GRIP1: variants seen among roughly 807,000 people sequenced by gnomAD.
GRIP1 encodes the protein glutamate receptor interacting protein 1.
A neutral mutation model predicts 129.9 loss-of-function variants in GRIP1; 45 were observed. The ratio of observed to expected loss-of-function variants is 0.35; its 90% CI spans 0.27 to 0.44. The LOEUF (loss-of-function observed/expected upper bound fraction) is 0.44, where lower values mean the gene tolerates loss of function less well. Ranked by LOEUF, GRIP1 falls within the 20% of genes least tolerant of loss-of-function variation. The probability of loss-of-function intolerance (pLI) is 1.00; values close to 1 mark genes in which losing one functional copy is unlikely to be tolerated. For synonymous variants in GRIP1, 530 were observed against 520.8 expected (o/e 1.02, Z -0.24); for missense variants, 1,196 against 1,396.8 (o/e 0.86, Z 2.29).
intron 3 of GRIP1, among the ~76,000 whole-genome samples, chr12:66,540,354 AC>A (rs562774293): frequency 1.5e-3 from 236 of 152,364 alleles, no homozygotes; most frequent in African/African-American, 5.5e-3. Flanking sequence ...GCACAGTAAT[AC>A]TTTTAATTAC....
In GRIP1 at chr12:66,715,471, T is replaced by TGTGTGTGTGTGTGTGAGA. The variant is rs761155485; in HGVS notation, c.-419-85136_-419-85135insTCTCACACACACACACAC. On this transcript the variant is annotated intron_variant, in intron 1 of 4. Coordinates refer to the GRIP1 transcript ENST00000538373. ...AGCTTGATGTGTGTGTGTGTGTGTG[T>TGTGTGTGTGTGTGTGAGA]GAGAGAGAGAGAGAGAGAGAGAGAG... Among the ~76,000 whole-genome samples the TGTGTGTGTGTGTGTGAGA allele has an allele frequency of 2.3e-4, 25 of 110,124 alleles. 1 individual carries two copies. The highest frequency in any genetic ancestry group is 9.2e-4 in the South Asian group (3 of 3,262). The allele number at this position is 110,124 out of a possible 152,430, so 72.2% of individuals were successfully genotyped here.
At chr12:67,000,957 T>C (rs191358946) in intron 1 of GRIP1, among the ~76,000 whole-genome samples, 5 of 152,342 alleles carry the variant, frequency 3.3e-5, no homozygotes, top group Non-Finnish European at 7.3e-5. Flanking sequence ...TAAAACATTA[T>C]TTGTTATTTA....
chr12:67,049,180 T>G (rs2043301718), intron 1 of GRIP1, among the ~76,000 whole-genome samples: 1 of 152,206 alleles, frequency 6.6e-6, no homozygotes, highest in African/African-American at 2.4e-5. Flanking sequence ...GTTTTGTAAT[T>G]GTTTTTACTT....
At chr12:66,808,473 T>TTTTG (rs529277448), upstream of GRIP1, among the ~76,000 whole-genome samples, 208 of 151,862 alleles carry the variant, frequency 1.4e-3, no homozygotes, top group Non-Finnish European at 2.2e-3. Context: ...ACTTTTTGTG[T>TTTTG]TTTGTTTGTT....
At chr12:66,680,426 A>C (rs2034539815), upstream of GRIP1, among the ~76,000 whole-genome samples, 1 of 152,194 alleles carries the variant, frequency 6.6e-6, no homozygotes. Flanking sequence ...TCTACTTTAA[A>C]GGTTTTTGAA....
chr12:66,576,102 A>G (rs1407172721), intron 2 of GRIP1, among the ~76,000 whole-genome samples: 1 of 152,244 alleles, frequency 6.6e-6, no homozygotes, highest in East Asian at 1.9e-4. Context: ...CCTCTGGGAT[A>G]TGTCCTGGCA....
intron 1 of GRIP1, among the ~76,000 whole-genome samples, chr12:66,690,774 C>T (rs1422366699): frequency 2.0e-5 from 3 of 149,562 alleles, no homozygotes; most frequent in Admixed American, 6.7e-5. Flanking sequence ...CGCTATGTTG[C>T]TTAGAAAAAT....
chr12:66,845,118 T>C (rs569615422), intron 1 of GRIP1, among the ~76,000 whole-genome samples: 17 of 152,288 alleles, frequency 1.1e-4, no homozygotes, highest in Middle Eastern at 3.4e-3. Flanking sequence ...TTATGTATTT[T>C]ACAATTAAAA....
chr12:66,911,104 G>A (rs184444252), intron 1 of GRIP1, among the ~76,000 whole-genome samples: 78 of 152,346 alleles, frequency 5.1e-4, no homozygotes, highest in Admixed American at 1.2e-3. Context: ...CTGGAGATGG[G>A]TAGAGAAGCA....
At chr12:66,466,778 G>T (rs1160232406) in intron 7 of GRIP1, among the ~76,000 whole-genome samples, 1 of 152,082 alleles carries the variant, frequency 6.6e-6, no homozygotes, top group Non-Finnish European at 1.5e-5. Context: ...ACTGCATATT[G>T]GTCTGTAATC....
upstream of GRIP1, chr12:66,804,204 C>G (rs896269186): frequency 8.9e-6 from 4 of 449,992 alleles, no homozygotes; most frequent in Non-Finnish European, 1.8e-5. Context: ...CACCGTGCAG[C>G]GCGGCACAGC....
At chr12:66,635,955 C>T (rs1371134941) in intron 1 of GRIP1, among the ~76,000 whole-genome samples, 1 of 152,038 alleles carries the variant, frequency 6.6e-6, no homozygotes, top group Non-Finnish European at 1.5e-5. Context: ...ATTTGTACAC[C>T]CGTGTTCATA....
chr12:66,690,347 C>T (rs2136311742), intron 1 of GRIP1, among the ~76,000 whole-genome samples: 2 of 151,072 alleles, frequency 1.3e-5, no homozygotes, highest in East Asian at 3.9e-4. Flanking sequence ...GCAGGATTTC[C>T]TTCTTTTCAT....
At chr12:66,465,046 G>C (rs2059247459) in intron 8 of GRIP1, among the ~76,000 whole-genome samples, 1 of 150,876 alleles carries the variant, frequency 6.6e-6, no homozygotes, top group Non-Finnish European at 1.5e-5. Flanking sequence ...GCGAGTTTAA[G>C]TGATTCTCAT....
chr12:66,743,137 C>T lies in GRIP1; in HGVS notation c.-420+60916G>A, dbSNP rs2036840173. Among the ~76,000 whole-genome samples the T allele has an allele frequency of 1.3e-5, 2 of 152,082 alleles. 1 individual carries two copies. Among genetic ancestry groups the T allele is most frequent in the South Asian group, 4.1e-4 (2 of 4,820 alleles). Reference sequence around the variant, plus strand: ...TTCTCCAGCTAGAATGCAAGGACTGCATTTACTCACCTAACATCTACCCCA... The same window carrying T: ...TTCTCCAGCTAGAATGCAAGGACTGTATTTACTCACCTAACATCTACCCCA... On this transcript the variant is annotated intron_variant, in intron 1 of 4. Transcript: ENST00000538373.
chr12:66,573,969 C>A (rs1433292710), intron 2 of GRIP1, among the ~76,000 whole-genome samples: 1 of 152,146 alleles, frequency 6.6e-6, no homozygotes, highest in Non-Finnish European at 1.5e-5. Context: ...ACATGATAAT[C>A]CCTTTTCCAT....
chr12:66,454,080 A>G (rs910600672), intron 11 of GRIP1, among the ~76,000 whole-genome samples: 5 of 152,234 alleles, frequency 3.3e-5, no homozygotes, highest in African/African-American at 9.6e-5. Flanking sequence ...GCAAGTCTAA[A>G]TCATGTACAA....
chr12:66,469,563 C>T (rs1370314004), intron 7 of GRIP1, among the ~76,000 whole-genome samples: 2 of 152,144 alleles, frequency 1.3e-5, no homozygotes, highest in Admixed American at 6.5e-5. Context: ...GAAGCTTCCA[C>T]ATTAAGAAGT....
At chr12:66,746,638 G>A (rs1592802828) in intron 1 of GRIP1, among the ~76,000 whole-genome samples, 1 of 152,258 alleles carries the variant, frequency 6.6e-6, no homozygotes. Flanking sequence ...CCCCTGGAAT[G>A]CCTTAGAATA....
Sources: allele counts gnomAD v4.1 joint callset (sites outside exome capture counted in the v4.1 genomes callset), GRCh38; gene constraint gnomAD v4.1.1; transcripts MANE v1.5; gene names NCBI Gene and HGNC (gene_info 2026-07-23, HGNC 2026-07-21).